The following MARK1 variants were observed in gnomAD, a reference collection of about 807,000 sequenced individuals.
MARK1 encodes microtubule affinity regulating kinase 1, also known as serine/threonine-protein kinase MARK1.
Under a neutral mutation model 96.3 loss-of-function variants are expected in MARK1, and 40 were observed. The observed-to-expected ratio is 0.42, with a 90% confidence interval of 0.32 to 0.54. The LOEUF (loss-of-function observed/expected upper bound fraction) is 0.54. Among genes scored for constraint, MARK1 ranks in the 20% least tolerant of loss-of-function variants. MARK1 has a pLI of 0.16. For synonymous variants in MARK1, 317 were observed against 341.2 expected (o/e 0.93, Z 0.78); for missense variants, 719 against 984.6 (o/e 0.73, Z 3.61).
intron 9 of MARK1, among the ~76,000 whole-genome samples, chr1:220,621,424 G>A (rs939043282): frequency 6.6e-6 from 1 of 152,042 alleles, no homozygotes; most frequent in Non-Finnish European, 1.5e-5. Flanking sequence ...GTGACCCAAG[G>A]CTTTTGAATG....
At chr1:220,537,580 A>G (rs552383443) in intron 1 of MARK1, among the ~76,000 whole-genome samples, 15 of 138,372 alleles carry the variant, frequency 1.1e-4, no homozygotes, top group African/African-American at 3.3e-4. Context: ...CAGCATATTT[A>G]TAGTCCTTTG....
rs1422933150 is a variant in MARK1 at position 220,528,452 on chromosome 1, C to A, written c.-371C>A. The A allele has an allele frequency of 4.1e-6, 1 of 241,732 alleles. No individual in the cohort carries two copies. Among genetic ancestry groups the A allele is most frequent in the Non-Finnish European group, 7.9e-6 (1 of 126,198 alleles). The allele number at this position is 241,732 out of a possible 1,614,324, so 15.0% of individuals were successfully genotyped here. Reference sequence around the variant, plus strand: ...CGAGCCAGGCAGTGATTTGAGGCACCGGCTTCACCTTCACCCATGGTCCGG... The same window carrying A: ...CGAGCCAGGCAGTGATTTGAGGCACAGGCTTCACCTTCACCCATGGTCCGG... On this transcript the variant is annotated 5_prime_UTR_variant, in exon 1 of 18. Transcript: ENST00000366917.
At chr1:220,635,714 C>A in intron 12 of MARK1, 119 bp from the exon 13 acceptor site, 1 of 1,138,902 alleles carries the variant, frequency 8.8e-7, no homozygotes, top group Non-Finnish European at 1.2e-6. Flanking sequence ...AAAATTTAAT[C>A]TTCGTTCAGA....
intron 1 of MARK1, among the ~76,000 whole-genome samples, chr1:220,541,768 G>T (rs1182211358): frequency 6.6e-6 from 1 of 152,078 alleles, no homozygotes. Flanking sequence ...TAGCCTGTGG[G>T]TGTCCTTAAA....
Position 220,654,081 on chromosome 1 carries a change from G to A in MARK1, c.1988+729G>A, listed in dbSNP as rs1183021918. 6.6e-6 allele frequency among the ~76,000 whole-genome samples: 1 copy of A among 152,172 alleles called. No homozygotes were observed. The highest frequency in any genetic ancestry group is 1.5e-5 in the Non-Finnish European group (1 of 68,026). On this transcript the variant is annotated intron_variant, in intron 16 of 17. Transcript: ENST00000366917. This position sits in a 1 kb window ranked among gnomAD's most constrained non-coding sequence, Gnocchi z 4.0. ...AGGTGCAGAACAGAATCTAAAGATA[G>A]GTAAGATGGCATCTGTGCCCTCCAG...
chr1:220,576,971 A>C (rs531628681), intron 1 of MARK1, among the ~76,000 whole-genome samples: 5 of 152,306 alleles, frequency 3.3e-5, no homozygotes, highest in African/African-American at 1.2e-4. Flanking sequence ...ATCTTGAAAG[A>C]TGAATGGCCA....
At chr1:220,549,773 C>T (rs915669943) in intron 1 of MARK1, among the ~76,000 whole-genome samples, 4 of 152,152 alleles carry the variant, frequency 2.6e-5, no homozygotes, top group South Asian at 2.1e-4. Flanking sequence ...GGGTTTATCC[C>T]GAGCTCAGCC....
intron 9 of MARK1, among the ~76,000 whole-genome samples, chr1:220,629,216 C>T (rs1440141928): frequency 6.6e-6 from 1 of 151,992 alleles, no homozygotes; most frequent in African/African-American, 2.4e-5. Context: ...TATATCAGCA[C>T]CTAAAATGAA....
intron 1 of MARK1, 139 bp downstream of exon 1, chr1:220,529,012 C>T (rs1660121021): frequency 1.3e-6 from 1 of 764,274 alleles, no homozygotes; most frequent in African/African-American, 1.8e-5. Context: ...CGGCGTGACC[C>T]TCACCCACTG....
intron 3 of MARK1, among the ~76,000 whole-genome samples, chr1:220,597,355 G>C (rs893011757): frequency 1.3e-5 from 2 of 152,054 alleles, no homozygotes; most frequent in African/African-American, 4.8e-5. Context: ...AACTGTTCCA[G>C]TCTCTCCACA....
intron 1 of MARK1, among the ~76,000 whole-genome samples, chr1:220,573,789 TGTA>T (rs914650302): frequency 6.9e-6 from 1 of 145,136 alleles, no homozygotes; most frequent in African/African-American, 2.5e-5. Context: ...TATTGTATAT[TGTA>T]GTATATGTAG....
At chr1:220,624,297 C>CA (rs61237689) in intron 9 of MARK1, among the ~76,000 whole-genome samples, 1 of 114,808 alleles carries the variant, frequency 8.7e-6, no homozygotes, top group Non-Finnish European at 1.8e-5. Flanking sequence ...GATTCCATCT[C>CA]AAAAAAAAAA....
chr1:220,626,052 G>A (rs1667311951), intron 9 of MARK1: 7 of 573,932 alleles, frequency 1.2e-5, no homozygotes, highest in South Asian at 9.2e-5. Context: ...TCAATGGCCT[G>A]TTTGAATTCT....
At chr1:220,613,107 A>G (rs1666548196) in intron 6 of MARK1, among the ~76,000 whole-genome samples, 1 of 152,220 alleles carries the variant, frequency 6.6e-6, no homozygotes, top group Non-Finnish European at 1.5e-5. Context: ...GAAGGCTCAT[A>G]GGGAAGTTCC....
chr1:220,549,671 T>C (rs1661729558), intron 1 of MARK1, among the ~76,000 whole-genome samples: 1 of 152,182 alleles, frequency 6.6e-6, no homozygotes, highest in South Asian at 2.1e-4. Context: ...AGGAGAGTTG[T>C]TTAGTGACAT....
Position 220,575,947 on chromosome 1 carries a change from A to T in MARK1, c.52-3407A>T, listed in dbSNP as rs944886493. 4.9e-5 allele frequency among the ~76,000 whole-genome samples: 4 copies of T among 82,406 alleles called. No homozygotes were observed. In the Admixed American group the frequency reaches 5.3e-4, roughly 11 times the overall value. 54.1% of individuals were successfully genotyped at this position (82,406 alleles called of 152,430 possible). ...CAAGGATTCTGCTCCCATACAGCTT[A>T]CAATGAAGGGTTTCTCCTTAGGGAA... On this transcript the variant is annotated intron_variant, in intron 1 of 17. Coordinates refer to ENST00000366917, the MANE Select transcript of MARK1 (RefSeq NM_018650.5).
chr1:220,574,246 G>C (rs1431182040), intron 1 of MARK1, among the ~76,000 whole-genome samples: 2 of 152,214 alleles, frequency 1.3e-5, no homozygotes, highest in Non-Finnish European at 2.9e-5. Flanking sequence ...TTCAAATTCA[G>C]CCTGCGTTGT....
chr1:220,571,752 C>G (rs1440998212), intron 1 of MARK1: 1 of 152,168 alleles, frequency 6.6e-6, no homozygotes, highest in Non-Finnish European at 1.5e-5. Context: ...GACAGGGTCT[C>G]ACTATGTTGC....
intron 13 of MARK1, among the ~76,000 whole-genome samples, chr1:220,641,752 G>T (rs981856648): frequency 1.4e-5 from 2 of 145,078 alleles, no homozygotes; most frequent in Non-Finnish European, 3.0e-5. Context: ...GGTGATTGGT[G>T]TAACCCAAGA....
Sources: allele counts gnomAD v4.1 joint callset (sites outside exome capture counted in the v4.1 genomes callset), GRCh38; gene constraint gnomAD v4.1.1; non-coding constraint Gnocchi (gnomAD v3.1); transcripts MANE v1.5; gene names NCBI Gene and HGNC (gene_info 2026-07-23, HGNC 2026-07-21).